The following TSHZ3 variants were observed in gnomAD, a reference collection of about 807,000 sequenced individuals.
TSHZ3 encodes teashirt zinc finger homeobox 3, also known as teashirt homolog 3.
In TSHZ3, 10 loss-of-function variants were observed where a neutral mutation model predicts 64.5. The ratio of observed to expected loss-of-function variants is 0.16; its 90% CI spans 0.10 to 0.26. The LOEUF (loss-of-function observed/expected upper bound fraction) is 0.26. Among genes scored for constraint, TSHZ3 ranks in the 10% least tolerant of loss-of-function variants. The pLI is 1.00. For missense variants in TSHZ3, 1,242 were observed against 1,421.7 expected, an observed-to-expected ratio of 0.87 and a Z score of 2.03; for synonymous variants, 608 against 593.1, an observed-to-expected ratio of 1.03 and a Z score of -0.36.
rs2021619318 is a variant in TSHZ3, at chr19:31,349,208, C to T, written c.12G>A (p.Arg4=). 5.2e-6 allele frequency: 8 copies of T among 1,541,544 alleles called. No homozygotes were observed. Among genetic ancestry groups the T allele is most frequent in the African/African-American group, 2.8e-5 (2 of 71,982 alleles). MPR[R]KQQAPRRAAA... ...CTGCGCGCCGGGGCGCCTGCTGCTTCCTCCTCGGCATGATGCTTCTCCGGC... is the reference window on the plus strand; with the variant it reads ...CTGCGCGCCGGGGCGCCTGCTGCTTTCTCCTCGGCATGATGCTTCTCCGGC... Residue 4 remains arginine (R), a synonymous_variant, in exon 1 of 2, where the codon AGG becomes AGA. Coordinates refer to ENST00000240587, the MANE Select transcript of TSHZ3 (RefSeq NM_020856.4).
chr19:31,272,691 A>G (rs1461764742), downstream of TSHZ3, among the ~76,000 whole-genome samples: 1 of 152,148 alleles, frequency 6.6e-6, no homozygotes, highest in Non-Finnish European at 1.5e-5. Context: ...TCCATTTAAG[A>G]TTTTCATCTT....
At chr19:31,233,268 T>C (rs149960577) in intron 3 of TSHZ3, among the ~76,000 whole-genome samples, 1,835 of 152,330 alleles carry the variant, frequency 0.012, 34 homozygotes, top group African/African-American at 0.042. Context: ...TTTAGTCTTT[T>C]AGTCAGTTTA....
intron 5 of TSHZ3, among the ~76,000 whole-genome samples, chr19:31,166,763 C>T (rs1486702057): frequency 6.6e-6 from 1 of 152,168 alleles, no homozygotes; most frequent in Non-Finnish European, 1.5e-5. Context: ...TAAGCTTCCC[C>T]AAAAGACTAT....
At chr19:31,266,794 T>A (rs1236138707) in intron 1 of TSHZ3, among the ~76,000 whole-genome samples, 1 of 152,184 alleles carries the variant, frequency 6.6e-6, no homozygotes, top group Non-Finnish European at 1.5e-5. Flanking sequence ...CCCTAGGATG[T>A]GACAAGTGAC....
intron 1 of TSHZ3, among the ~76,000 whole-genome samples, chr19:31,264,146 C>T (rs1599611248): frequency 2.0e-5 from 3 of 152,200 alleles, no homozygotes; most frequent in Admixed American, 6.5e-5. Flanking sequence ...TTCATCTTCC[C>T]GGTCTGCATC....
At chr19:31,311,211 A>G (rs1916449022) in intron 1 of TSHZ3, among the ~76,000 whole-genome samples, 1 of 152,252 alleles carries the variant, frequency 6.6e-6, no homozygotes, top group Non-Finnish European at 1.5e-5. Context: ...ATAAACTTCA[A>G]GCAAGTTGGG....
At chr19:31,227,701 T>C (rs1486149775) in intron 4 of TSHZ3, among the ~76,000 whole-genome samples, 1 of 152,156 alleles carries the variant, frequency 6.6e-6, no homozygotes, top group Non-Finnish European at 1.5e-5. Context: ...CTCAGTAAAG[T>C]TGGAGGTAGG....
intron 1 of TSHZ3, among the ~76,000 whole-genome samples, chr19:31,323,600 C>G (rs983169116): frequency 2.0e-5 from 3 of 152,144 alleles, no homozygotes; most frequent in African/African-American, 7.2e-5. Context: ...GGATTTACCT[C>G]TGCTCTCAGT....
chr19:31,239,144 C>G (rs1975658302), intron 3 of TSHZ3, among the ~76,000 whole-genome samples: 1 of 152,076 alleles, frequency 6.6e-6, no homozygotes, highest in South Asian at 2.1e-4. Flanking sequence ...CTTTATACTT[C>G]CTGTTTTACA....
In TSHZ3 at chr19:31,277,871, G is replaced by A. The variant is rs1170253233; in HGVS notation, c.1922C>T (p.Ala641Val). The A allele has an allele frequency of 1.9e-6, 3 of 1,607,074 alleles. No individual in the cohort carries two copies. The highest frequency in any genetic ancestry group is 2.7e-5 in the African/African-American group (2 of 74,786). Residue 641 changes from alanine to valine, a missense_variant, in exon 2 of 2, where the codon GCC (alanine) becomes GTC (valine). By Grantham distance (64) the Ala-to-Val change is moderately conservative. Transcript: ENST00000240587. The surrounding 1 kb of genome is among the most constrained non-coding windows in gnomAD (Gnocchi z 4.5). Reference protein sequence around the residue: ...PDGKLSPPKRATPSPCSSEVG... With the variant: ...PDGKLSPPKRVTPSPCSSEVG... ...TTCGCTGCTACATGGGGAGGGAGTG[G>A]CCCGCTTGGGCGGGGAAAGCTTCCC...
intron 1 of TSHZ3, among the ~76,000 whole-genome samples, chr19:31,348,422 A>G (rs2021579165): frequency 6.6e-6 from 1 of 151,926 alleles, no homozygotes; most frequent in South Asian, 2.1e-4. Flanking sequence ...AAAGAAAAAA[A>G]TCGGCTCAGT....
rs781387357 is a variant in TSHZ3, at chr19:31,277,997, G to A, written c.1796C>T (p.Thr599Met). 2.0e-5 allele frequency: 32 copies of A among 1,614,004 alleles called. No individual in the cohort carries two copies. Among genetic ancestry groups the A allele is most frequent in the East Asian group, 1.1e-4 (5 of 44,876 alleles). The change falls in exon 2 of 2, where the codon ACG (threonine) becomes ATG (methionine). Residue 599 changes from threonine (T) to methionine (M), a missense_variant. By Grantham distance (81) the Thr-to-Met change is moderately conservative (BLOSUM62 -1). Transcript: ENST00000240587. The surrounding 1 kb of genome is among the most constrained non-coding windows in gnomAD (Gnocchi z 4.5). ...AAAGTTTGTCTTGGGCATGGGGGACGTCTGGCTGCTGGGTGGAGAGACCAG... is the reference window on the plus strand; with the variant it reads ...AAAGTTTGTCTTGGGCATGGGGGACATCTGGCTGCTGGGTGGAGAGACCAG... ...QTLVSPPSSQTSPMPKTNFHA... is the reference protein window; with the variant it reads ...QTLVSPPSSQMSPMPKTNFHA...
intron 3 of TSHZ3, among the ~76,000 whole-genome samples, chr19:31,228,524 TAA>T (rs5827760): frequency 5.0e-4 from 66 of 131,066 alleles, no homozygotes; most frequent in African/African-American, 1.5e-3. Flanking sequence ...AAACCCTGTC[TAA>T]AAAAAAAAAA....
chr19:31,263,513 C>A (rs1291016984), intron 1 of TSHZ3, among the ~76,000 whole-genome samples: 1 of 152,212 alleles, frequency 6.6e-6, no homozygotes, highest in African/African-American at 2.4e-5. Flanking sequence ...AGCTGGAGTG[C>A]CCCCGTCCTG....
intron 6 of TSHZ3, among the ~76,000 whole-genome samples, chr19:31,156,093 T>C (rs1386494219): frequency 1.3e-5 from 2 of 152,190 alleles, no homozygotes; most frequent in Non-Finnish European, 2.9e-5. Context: ...CTGGGACATA[T>C]TATGGAAGAA....
intron 1 of TSHZ3, among the ~76,000 whole-genome samples, chr19:31,306,742 T>C (rs764272472): frequency 1.3e-5 from 2 of 152,202 alleles, no homozygotes; most frequent in Non-Finnish European, 2.9e-5. Flanking sequence ...CTTCTAAATA[T>C]GTTCTTTAGG....
intron 5 of TSHZ3, among the ~76,000 whole-genome samples, chr19:31,160,365 C>A (rs1018230635): frequency 2.0e-5 from 3 of 152,198 alleles, no homozygotes; most frequent in East Asian, 1.9e-4. Flanking sequence ...GGTCTATCTG[C>A]CCCTCTGCCA....
chr19:31,288,860 TG>T (rs1211698002), intron 1 of TSHZ3, among the ~76,000 whole-genome samples: 1 of 152,122 alleles, frequency 6.6e-6, no homozygotes, highest in Non-Finnish European at 1.5e-5. Context: ...GTTTCTGCAT[TG>T]GATTTTTCTC....
chr19:31,250,004 G>A (rs184057602), intron 1 of TSHZ3, among the ~76,000 whole-genome samples: 2 of 152,352 alleles, frequency 1.3e-5, no homozygotes, highest in Non-Finnish European at 2.9e-5. Flanking sequence ...AGGGACATGA[G>A]CTGCTGCTCT....
Sources: gnomAD v4.1 joint callset for allele counts (sites outside exome capture counted in the v4.1 genomes callset) on GRCh38, gnomAD v4.1.1 for gene constraint, Gnocchi (gnomAD v3.1) non-coding constraint, MANE v1.5 for transcripts, NCBI Gene and HGNC (gene_info 2026-07-23, HGNC 2026-07-21) for gene names.